Variants in FMOD observed in about 807,000 individuals in gnomAD.
The protein encoded by FMOD is fibromodulin.
Under a neutral mutation model 27.0 loss-of-function variants are expected in FMOD, and 15 were observed. The observed-to-expected ratio is 0.55, with a 90% confidence interval of 0.37 to 0.85. FMOD has a LOEUF of 0.85. Among genes scored for constraint, FMOD ranks in the 40% least tolerant of loss-of-function variants. The pLI is 0.00. For missense variants in FMOD, 460 were observed against 483.2 expected (o/e 0.95, Z 0.45); for synonymous variants, 210 against 214.0 (o/e 0.98, Z 0.16).
At chr1:203,346,934 C>A (rs925136314) in intron 2 of FMOD, among the ~76,000 whole-genome samples, 1 of 152,162 alleles carries the variant, frequency 6.6e-6, no homozygotes, top group African/African-American at 2.4e-5. Context: ...TCCCCTACAT[C>A]GACAGGTGAC....
At chr1:203,344,594 G>A (rs777061542) in intron 2 of FMOD, among the ~76,000 whole-genome samples, 3 of 152,174 alleles carry the variant, frequency 2.0e-5, no homozygotes, top group Non-Finnish European at 4.4e-5. Flanking sequence ...AACTGAGGGA[G>A]ATACTGATGG....
intron 2 of FMOD, 24 bp downstream of exon 2, chr1:203,347,268 C>T (rs773489520): frequency 5.1e-6 from 8 of 1,578,980 alleles, no homozygotes; most frequent in East Asian, 2.2e-5. Context: ...AGCCAGTCCC[C>T]GCCTCCCTTT....
At chr1:203,350,820 T>C (rs534079708) in intron 1 of FMOD, among the ~76,000 whole-genome samples, 2 of 152,060 alleles carry the variant, frequency 1.3e-5, no homozygotes, top group African/African-American at 4.8e-5. Flanking sequence ...TCAGCACCCA[T>C]AAAGGAACTG....
chr1:203,342,583 T>C (rs1658814497), intron 2 of FMOD, 89 bp from the exon 3 acceptor site: 3 of 1,355,036 alleles, frequency 2.2e-6, no homozygotes, highest in African/African-American at 2.9e-5. Context: ...TGAAGCAGCT[T>C]AGATAAAGGG....
intron 2 of FMOD, among the ~76,000 whole-genome samples, chr1:203,342,799 TA>T (rs912640202): frequency 4.0e-5 from 6 of 149,780 alleles, no homozygotes; most frequent in Admixed American, 4.0e-4. Flanking sequence ...TTTAGCAGGA[TA>T]GGGGGGCAGG....
At chr1:203,348,817 G>C (rs1348924848) in intron 1 of FMOD, among the ~76,000 whole-genome samples, 1 of 152,240 alleles carries the variant, frequency 6.6e-6, no homozygotes, top group African/African-American at 2.4e-5. Flanking sequence ...ACTACATCTG[G>C]AAAATCTTTT....
intron 2 of FMOD, among the ~76,000 whole-genome samples, chr1:203,346,551 G>C (rs1658891583): frequency 6.6e-6 from 1 of 150,942 alleles, no homozygotes; most frequent in South Asian, 2.1e-4. Flanking sequence ...AGGAAGCCCA[G>C]TGTCCTAGGC....
chr1:203,345,559 TAGAC>T (rs964792461), intron 2 of FMOD, among the ~76,000 whole-genome samples: 13 of 152,266 alleles, frequency 8.5e-5, no homozygotes, highest in African/African-American at 3.1e-4. Context: ...GGTGTGATGA[TAGAC>T]AGCCACAAGG....
intron 1 of FMOD, among the ~76,000 whole-genome samples, chr1:203,349,291 A>G (rs1658951539): frequency 6.6e-6 from 1 of 152,302 alleles, no homozygotes; most frequent in East Asian, 1.9e-4. Context: ...GGACCCTGAC[A>G]TTCTCCTCTC....
intron 2 of FMOD, among the ~76,000 whole-genome samples, chr1:203,343,101 G>C (rs1658825888): frequency 6.6e-6 from 1 of 152,198 alleles, no homozygotes; most frequent in African/African-American, 2.4e-5. Context: ...GAGTTTAAAG[G>C]AAGCTGGGGA....
intron 1 of FMOD, among the ~76,000 whole-genome samples, chr1:203,348,942 T>A (rs573018416): frequency 2.1e-4 from 32 of 152,340 alleles, no homozygotes; most frequent in Non-Finnish European, 3.4e-4. Flanking sequence ...TCTGTAACAG[T>A]CTGCTGAGTG....
At chr1:203,344,866 C>G (rs1255339608) in intron 2 of FMOD, among the ~76,000 whole-genome samples, 2 of 152,156 alleles carry the variant, frequency 1.3e-5, no homozygotes, top group Non-Finnish European at 2.9e-5. Flanking sequence ...ATGCCTGGCT[C>G]TAGGTCCTTT....
intron 1 of FMOD, among the ~76,000 whole-genome samples, chr1:203,348,555 T>C (rs1571520322): frequency 1.3e-5 from 2 of 149,704 alleles, no homozygotes; most frequent in African/African-American, 4.9e-5. Flanking sequence ...AACAGCTGCA[T>C]TTTTTTTTTG....
intron 2 of FMOD, among the ~76,000 whole-genome samples, chr1:203,342,940 T>G (rs1226539371): frequency 6.6e-6 from 1 of 152,018 alleles, no homozygotes; most frequent in African/African-American, 2.4e-5. Flanking sequence ...ACTGGGGAAA[T>G]GGAGGGACTT....
In FMOD at chr1:203,348,210, C is replaced by T; in HGVS notation, c.61G>A (p.Glu21Lys). The change falls in exon 2 of 3, where the codon GAA (glutamate) becomes AAA (lysine). Residue 21 changes from glutamate (E) to lysine (K), a missense_variant. By Grantham distance (56) the Glu-to-Lys change is moderately conservative. Coordinates refer to ENST00000354955, the MANE Select transcript of FMOD (RefSeq NM_002023.5). ...GLFSLSQAQY[E>K]DDPHWWFHYL... ...TGGAACCACCAATGAGGGTCATCTT[C>T]ATACTGGGCCTGGGAGAGGGAGAAG... The T allele has an allele frequency of 6.2e-7, 1 of 1,614,212 alleles. No individual in the cohort carries two copies. The highest frequency in any genetic ancestry group is 8.5e-7 in the Non-Finnish European group (1 of 1,180,034).
intron 2 of FMOD, among the ~76,000 whole-genome samples, chr1:203,345,934 A>G (rs1008986367): frequency 6.6e-6 from 1 of 150,448 alleles, no homozygotes; most frequent in Non-Finnish European, 1.5e-5. Context: ...GGACCCCTCA[A>G]TCCCCACCTT....
At chr1:203,350,815 AC>A (rs1658985205) in intron 1 of FMOD, among the ~76,000 whole-genome samples, 1 of 152,088 alleles carries the variant, frequency 6.6e-6, no homozygotes, top group African/African-American at 2.4e-5. Context: ...TCCCCTCAGC[AC>A]CCATAAAGGA....
At position 203,348,145 on chromosome 1, in the gene FMOD, A is replaced by G; in HGVS notation, c.126T>C (p.Tyr42=). ...RSQQSTYYDP[Y]DPYPYETYEP... ...CGTAGGTCTCATACGGGTAAGGGTC[A>G]TAGGGATCGTAGTAGGTGGACTGCT... Residue 42 remains tyrosine, a synonymous_variant, in exon 2 of 3, where the codon TAT becomes TAC. Coordinates refer to ENST00000354955, the MANE Select transcript of FMOD (RefSeq NM_002023.5). 1.2e-6 allele frequency: 2 copies of G among 1,614,176 alleles called. No individual in the cohort carries two copies. Among genetic ancestry groups the G allele is most frequent in the African/African-American group, 1.3e-5 (1 of 75,048 alleles).
rs200474119 is a variant in FMOD at position 203,342,382 on chromosome 1, C to T, written c.1092G>A (p.Ala364=). 5.0e-5 allele frequency: 81 copies of T among 1,613,550 alleles called. No homozygotes were observed. The East Asian group carries it at 1.6e-3, about 31-fold the overall frequency. The change falls in exon 3 of 3, where the codon GCG becomes GCA. Residue 364 remains alanine (A), a synonymous_variant. Coordinates refer to ENST00000354955, the MANE Select transcript of FMOD (RefSeq NM_002023.5). Reference sequence around the variant, plus strand: ...GGCTGGCAAGGCGCAGGCAGAGGGGCGCGTCGGCAGGCATGGCGCTGCGCT... The same window carrying T: ...GGCTGGCAAGGCGCAGGCAGAGGGGTGCGTCGGCAGGCATGGCGCTGCGCT... ...EIKRSAMPAD[A]PLCLRLASLI...
Sources: allele counts gnomAD v4.1 joint callset (sites outside exome capture counted in the v4.1 genomes callset), GRCh38; gene constraint gnomAD v4.1.1; transcripts MANE v1.5; gene names NCBI Gene and HGNC (gene_info 2026-07-23, HGNC 2026-07-21).